The following PNLIP variants were observed in gnomAD, a reference collection of about 807,000 sequenced individuals.
PNLIP encodes pancreatic triacylglycerol lipase.
A neutral mutation model predicts 57.1 loss-of-function variants in PNLIP; 49 were observed. The observed-to-expected ratio is 0.86, with a 90% CI of 0.68 to 1.09. The LOEUF (loss-of-function observed/expected upper bound fraction) is 1.09, where lower values mean the gene tolerates loss of function less well. PNLIP is among the 50% of genes least tolerant of loss of function. The pLI, the probability that PNLIP is intolerant of heterozygous loss-of-function variation, is 0.00. For synonymous variants in PNLIP, 209 were observed against 200.4 expected (o/e 1.04, Z -0.36); for missense variants, 503 against 570.2 (o/e 0.88, Z 1.20).
At chr10:116,560,353 A>G in intron 10 of PNLIP, 63 bp from the exon 11 acceptor site, 1 of 803,940 alleles carries the variant, frequency 1.2e-6, no homozygotes, top group Non-Finnish European at 2.1e-6. Context: ...TGGGATGCAA[A>G]TTAACTTGTT....
chr10:116,560,124 G>T (rs555033606), intron 10 of PNLIP, among the ~76,000 whole-genome samples: 1 of 151,486 alleles, frequency 6.6e-6, no homozygotes, highest in South Asian at 2.1e-4. Flanking sequence ...AAATTGTCAG[G>T]TTGGAAATTG....
In PNLIP at chr10:116,567,794, G is replaced by A. The variant is rs759167265; in HGVS notation, c.1394G>A (p.Cys465Tyr). The change falls in exon 13 of 13, where the codon TGT becomes TAT. Residue 465 changes from cysteine to tyrosine, a missense_variant. Physicochemically the swap from Cys to Tyr is radical, Grantham distance 194. Coordinates refer to ENST00000369221, the MANE Select transcript of PNLIP (RefSeq NM_000936.4). ...GAAGTTCTGCTCACCCTCACACCGTGTTAGGAGACTACTGTTATTTGACCA... is the reference window on the plus strand; with the variant it reads ...GAAGTTCTGCTCACCCTCACACCGTATTAGGAGACTACTGTTATTTGACCA... ...REEVLLTLTP[C>Y] 2 of 1,610,674 alleles carry A rather than the reference G, an allele frequency of 1.2e-6. No homozygotes were observed. The highest frequency in any genetic ancestry group is 8.5e-7 in the Non-Finnish European group (1 of 1,176,838).
rs773915445 is a variant in PNLIP, at chr10:116,555,521, G to A, written c.811+14G>A. ...GAATCTGGGAAGGTAGAACTATTAT[G>A]TGTAGAAAGAGATCTTCTTGGGAGA... On this transcript the variant is annotated intron_variant, in intron 8 of 12. Transcript: ENST00000369221. 2 of 1,609,532 alleles carry A rather than the reference G, an allele frequency of 1.2e-6. No individual in the cohort carries two copies. The highest frequency in any genetic ancestry group is 2.2e-5 in the South Asian group (2 of 89,728).
At position 116,556,093 on chromosome 10, in the gene PNLIP, G is replaced by A. The variant is rs2133203635; in HGVS notation, c.905G>A (p.Cys302Tyr). The change falls in exon 9 of 13, where the codon TGT (cysteine) becomes TAT (tyrosine). Residue 302 changes from cysteine to tyrosine, a missense_variant. Physicochemically the swap from Cys to Tyr is radical, Grantham distance 194. Transcript: ENST00000369221. Reference protein sequence around the residue: ...VNPDGFAGFPCASYNVFTANK... With the variant: ...VNPDGFAGFPYASYNVFTANK... ...CCTGATGGCTTTGCTGGATTCCCCTGTGCCTCTTACAACGTCTTCACTGCA... is the reference window on the plus strand; with the variant it reads ...CCTGATGGCTTTGCTGGATTCCCCTATGCCTCTTACAACGTCTTCACTGCA... 1 of 1,611,678 alleles carries A rather than the reference G, an allele frequency of 6.2e-7. No homozygotes were observed. Among genetic ancestry groups the A allele is most frequent in the South Asian group, 1.1e-5 (1 of 91,026 alleles).
At position 116,561,601 on chromosome 10, in the gene PNLIP, A is replaced by G; in HGVS notation, c.1299A>G (p.Ala433=). 6.2e-7 allele frequency: 1 copy of G among 1,613,088 alleles called. No individual in the cohort carries two copies. Among genetic ancestry groups the G allele is most frequent in the Non-Finnish European group, 8.5e-7 (1 of 1,179,630 alleles). ...ACCCAACTTTACCTAGAGTGGGAGC[A>G]TCCAAGATTATAGTGGAGACAAATG... is the stretch of plus-strand genomic sequence containing the variant. ...VINPTLPRVG[A]SKIIVETNVG... Residue 433 remains alanine, a synonymous_variant, in exon 12 of 13, where the codon GCA becomes GCG. Transcript: ENST00000369221.
intron 5 of PNLIP, among the ~76,000 whole-genome samples, chr10:116,552,857 G>T (rs1847209424): frequency 6.6e-6 from 1 of 152,124 alleles, no homozygotes; most frequent in East Asian, 1.9e-4. Context: ...CTGCACTCCA[G>T]CCTGGGCAAC....
At chr10:116,551,309 C>G in intron 5 of PNLIP, 77 bp downstream of exon 5, 1 of 883,610 alleles carries the variant, frequency 1.1e-6, no homozygotes, top group Non-Finnish European at 1.6e-6. Flanking sequence ...AAAAAAAAGC[C>G]TGTAGATTTA....
chr10:116,567,655 G>A (rs1441399522), intron 12 of PNLIP, 80 bp from the exon 13 acceptor site: 2 of 1,157,250 alleles, frequency 1.7e-6, no homozygotes, highest in South Asian at 1.2e-5. Flanking sequence ...AGGAGGTTGG[G>A]GGCATAGATT....
chr10:116,549,320 A>G (rs531035285), intron 4 of PNLIP, among the ~76,000 whole-genome samples: 2 of 152,092 alleles, frequency 1.3e-5, no homozygotes, highest in African/African-American at 4.8e-5. Context: ...TACTAAAACT[A>G]TAAAAAAAAT....
chr10:116,566,805 T>A (rs1395550167), intron 12 of PNLIP, among the ~76,000 whole-genome samples: 1 of 152,170 alleles, frequency 6.6e-6, no homozygotes, highest in Non-Finnish European at 1.5e-5. Flanking sequence ...AACCTTTAAT[T>A]TCCTATTTGT....
At chr10:116,566,231 A>T (rs1393750605) in intron 12 of PNLIP, among the ~76,000 whole-genome samples, 1 of 152,248 alleles carries the variant, frequency 6.6e-6, no homozygotes, top group Non-Finnish European at 1.5e-5. Flanking sequence ...CTCAGCAGTA[A>T]CAAGGAATGA....
chr10:116,546,005 C>A, intron 1 of PNLIP, 47 bp downstream of exon 1: 1 of 1,095,330 alleles, frequency 9.1e-7, no homozygotes, highest in Non-Finnish European at 1.4e-6. Context: ...AGAATGTATC[C>A]ATTTTCCCCC....
chr10:116,555,635 T>A (rs1030400627), intron 8 of PNLIP, 128 bp downstream of exon 8: 1 of 1,070,556 alleles, frequency 9.3e-7, no homozygotes, highest in African/African-American at 1.6e-5. Context: ...TTTAATTGTA[T>A]CCATGAGATG....
At chr10:116,561,325 A>G (rs562331534) in intron 11 of PNLIP, 147 bp from the exon 12 acceptor site, 2 of 527,682 alleles carry the variant, frequency 3.8e-6, no homozygotes, top group African/African-American at 1.9e-5. Context: ...TGTACTGCCA[A>G]TCACCTTAGC....
intron 11 of PNLIP, 96 bp downstream of exon 11, chr10:116,560,620 C>T (rs1023535504): frequency 8.3e-6 from 5 of 600,786 alleles, no homozygotes; most frequent in Non-Finnish European, 1.4e-5. Flanking sequence ...CTCTGTCACC[C>T]AGGCTGGAGT....
chr10:116,555,977 G>A, intron 8 of PNLIP, 23 bp from the exon 9 acceptor site: 1 of 1,361,998 alleles, frequency 7.3e-7, no homozygotes, highest in Non-Finnish European at 1.1e-6. Context: ...TGTCCTTGAT[G>A]TGTAATTGTG....
rs1211002932 is a variant in PNLIP at position 116,559,589 on chromosome 10, C to A, written c.1060+306C>A. Among the ~76,000 whole-genome samples, 5 of 152,222 alleles carry A rather than the reference C, an allele frequency of 3.3e-5. No homozygotes were observed. In the East Asian group the frequency reaches 9.7e-4, roughly 29 times the overall value. ...GTCAAAAGTTTCACTGAACAAAATT[C>A]TGAGATTTTTGTAAAAGCAGAAAAG... On this transcript the variant is annotated intron_variant, in intron 10 of 12. Coordinates refer to ENST00000369221, the MANE Select transcript of PNLIP (RefSeq NM_000936.4).
In PNLIP at chr10:116,547,358, G is replaced by A. The variant is rs200222049; in HGVS notation, c.111G>A (p.Thr37=). The A allele has an allele frequency of 1.6e-5, 26 of 1,613,946 alleles. No individual in the cohort carries two copies. The highest frequency in any genetic ancestry group is 1.2e-4 in the Admixed American group (7 of 60,000). Residue 37 remains threonine, a synonymous_variant, in exon 3 of 13, where the codon ACG becomes ACA. Coordinates refer to ENST00000369221, the MANE Select transcript of PNLIP (RefSeq NM_000936.4). ...ATGACTCCCCATGGTCAGGAATTACGGAAAGACCCCTCCATATATTGCCTT... is the reference window on the plus strand; with the variant it reads ...ATGACTCCCCATGGTCAGGAATTACAGAAAGACCCCTCCATATATTGCCTT... ...FSDDSPWSGI[T]ERPLHILPWS...
chr10:116,551,726 A>G (rs1444330977), intron 5 of PNLIP, among the ~76,000 whole-genome samples: 1 of 152,218 alleles, frequency 6.6e-6, no homozygotes, highest in Non-Finnish European at 1.5e-5. Flanking sequence ...CTTCATGTTC[A>G]TTAAGAGTTC....
Sources: gnomAD v4.1 joint callset for allele counts (sites outside exome capture counted in the v4.1 genomes callset) on GRCh38, gnomAD v4.1.1 for gene constraint, MANE v1.5 for transcripts, NCBI Gene and HGNC (gene_info 2026-07-23, HGNC 2026-07-21) for gene names.